Variants in DPP6 observed in about 807,000 individuals in gnomAD.
The protein encoded by DPP6 is dipeptidyl peptidase like 6, also known as A-type potassium channel modulatory protein DPP6.
A neutral mutation model predicts 122.6 loss-of-function variants in DPP6; 69 were observed. The ratio of observed to expected loss-of-function variants is 0.56; its 90% confidence interval spans 0.46 to 0.69. DPP6 has a LOEUF of 0.69. DPP6 is among the 30% of genes least tolerant of loss of function. DPP6 has a pLI of 0.00. For synonymous variants in DPP6, 418 were observed against 433.1 expected (o/e 0.97, Z 0.43); for missense variants, 928 against 1,116.9 (o/e 0.83, Z 2.41).
At chr7:154,402,685 A>C (rs2151189364) in intron 1 of DPP6, among the ~76,000 whole-genome samples, 1 of 151,388 alleles carries the variant, frequency 6.6e-6, no homozygotes, top group East Asian at 1.9e-4. Context: ...CCAGCATGGC[A>C]CATGTATACA....
intron 1 of DPP6, among the ~76,000 whole-genome samples, chr7:154,374,160 TAGAC>T (rs144409963): frequency 0.018 from 2,778 of 152,272 alleles, 83 homozygotes; most frequent in African/African-American, 0.064. Flanking sequence ...ATTTTGGAGT[TAGAC>T]AGACTCCAGT....
intron 1 of DPP6, among the ~76,000 whole-genome samples, chr7:154,130,676 G>T (rs976853745): frequency 6.6e-6 from 1 of 152,046 alleles, no homozygotes; most frequent in Non-Finnish European, 1.5e-5. Flanking sequence ...CCCTGCCTCA[G>T]ATCTCACGTC....
chr7:153,771,501 G>C, the DPP6 span, among the ~76,000 whole-genome samples: 1 of 152,208 alleles, frequency 6.6e-6, no homozygotes, highest in South Asian at 2.1e-4. Flanking sequence ...CACCACGCCT[G>C]ACTAATTTTT....
intron 8 of DPP6, among the ~76,000 whole-genome samples, chr7:154,744,235 C>T (rs1842937754): frequency 6.6e-6 from 1 of 152,174 alleles, no homozygotes; most frequent in South Asian, 2.1e-4. Context: ...CCACACCCGC[C>T]CCCCAGTATA....
chr7:154,313,714 T>TATATATATATATATATATACGCATACAC (rs1177234778), intron 1 of DPP6, among the ~76,000 whole-genome samples: 1 of 17,786 alleles, frequency 5.6e-5, no homozygotes, highest in African/African-American at 1.6e-4. Flanking sequence ...TATATATATA[T>TATATATATATATATATATACGCATACAC]ACACACACAC....
chr7:154,759,894 A>G (rs185879365), intron 8 of DPP6, among the ~76,000 whole-genome samples: 3 of 152,232 alleles, frequency 2.0e-5, no homozygotes, highest in Non-Finnish European at 2.9e-5. Flanking sequence ...GAGGCCAAGG[A>G]GGGCGGATCA....
In DPP6 at chr7:154,313,710, T is replaced by TGC. The variant is rs1186433314; in HGVS notation, c.244-132504_244-132503insGC. 2.1e-3 allele frequency among the ~76,000 whole-genome samples: 34 copies of TGC among 16,200 alleles called. 11 individuals carry two copies. The highest frequency in any genetic ancestry group is 0.012 in the East Asian group (3 of 260). The allele number at this position is 16,200 out of a possible 152,430, so 10.6% of individuals were successfully genotyped here. A position where few individuals can be genotyped will look rare whatever the true frequency, so the allele number is the denominator to read the frequency against. The stretch of plus-strand genomic sequence containing the variant: ...GTATATATATATATATATATATATA[T>TGC]ATATACACACACACGCACGCACACA... On this transcript the variant is annotated intron_variant, in intron 1 of 25. Coordinates refer to ENST00000377770, the MANE Select transcript of DPP6 (RefSeq NM_130797.4).
At chr7:154,085,203 T>A (rs1043596647) in intron 1 of DPP6, among the ~76,000 whole-genome samples, 1 of 152,216 alleles carries the variant, frequency 6.6e-6, no homozygotes, top group Non-Finnish European at 1.5e-5. Context: ...TGGGCTGATA[T>A]AGTTTCTCCA....
intron 1 of DPP6, among the ~76,000 whole-genome samples, chr7:153,962,928 C>T (rs1024342696): frequency 8.1e-4 from 123 of 152,296 alleles, no homozygotes; most frequent in Non-Finnish European, 1.1e-3. Flanking sequence ...ATGCTTCACA[C>T]GCTAATACAC....
chr7:154,822,636 C>T (rs1217089271), intron 16 of DPP6, among the ~76,000 whole-genome samples: 1 of 152,142 alleles, frequency 6.6e-6, no homozygotes, highest in African/African-American at 2.4e-5. Context: ...TTGTAGGGAC[C>T]TTAGGGACCA....
intron 1 of DPP6, among the ~76,000 whole-genome samples, chr7:154,175,307 A>C (rs1166011542): frequency 6.6e-6 from 1 of 152,080 alleles, no homozygotes; most frequent in East Asian, 1.9e-4. Context: ...TGGATTCTCT[A>C]GGTGGGACCA....
At chr7:153,971,205 G>C (rs1235204908) in intron 1 of DPP6, among the ~76,000 whole-genome samples, 1 of 151,968 alleles carries the variant, frequency 6.6e-6, no homozygotes, top group African/African-American at 2.4e-5. Flanking sequence ...TTCAAAATGT[G>C]TTATGAATTT....
chr7:154,633,977 T>C (rs1003718461), intron 5 of DPP6, among the ~76,000 whole-genome samples: 17 of 151,902 alleles, frequency 1.1e-4, no homozygotes, highest in African/African-American at 3.9e-4. Context: ...TTCTTGACTT[T>C]ATTCATTTTT....
intron 4 of DPP6, among the ~76,000 whole-genome samples, chr7:154,558,433 G>A (rs555880694): frequency 2.0e-5 from 3 of 152,212 alleles, no homozygotes; most frequent in African/African-American, 7.2e-5. Flanking sequence ...AGAGACCCCA[G>A]GAAAGTAGTT....
At chr7:154,522,382 C>G (rs777748051) in intron 3 of DPP6, among the ~76,000 whole-genome samples, 2 of 152,244 alleles carry the variant, frequency 1.3e-5, no homozygotes, top group East Asian at 1.9e-4. Context: ...AATCAAGAGG[C>G]CTGCGTGAGG....
At chr7:154,173,979 G>C (rs889473524) in intron 1 of DPP6, among the ~76,000 whole-genome samples, 21 of 152,184 alleles carry the variant, frequency 1.4e-4, no homozygotes, top group African/African-American at 5.1e-4. Context: ...TCTGCCCTTT[G>C]CCTTCTTTGA....
intron 1 of DPP6, among the ~76,000 whole-genome samples, chr7:154,269,148 A>G (rs907083914): frequency 1.3e-5 from 2 of 151,776 alleles, no homozygotes; most frequent in South Asian, 2.1e-4. Flanking sequence ...TAATTCATCA[A>G]TTCTCAAAAC....
upstream of DPP6, among the ~76,000 whole-genome samples, chr7:153,884,701 G>A (rs562867827): frequency 7.2e-5 from 11 of 152,054 alleles, no homozygotes; most frequent in Middle Eastern, 3.4e-3. Flanking sequence ...TTTGTCGGCC[G>A]GGCGCAGTGG....
At chr7:154,656,672 C>CACTGGATTGGACCAAGACCGGTAGGG (rs1837273905) in intron 6 of DPP6, among the ~76,000 whole-genome samples, 1 of 151,416 alleles carries the variant, frequency 6.6e-6, no homozygotes, top group South Asian at 2.1e-4. Flanking sequence ...GACCGGTAGG[C>CACTGGATTGGACCAAGACCGGTAGGG]GTTGGGCTGA....
Sources: allele counts gnomAD v4.1 joint callset (sites outside exome capture counted in the v4.1 genomes callset), GRCh38; gene constraint gnomAD v4.1.1; transcripts MANE v1.5; gene names NCBI Gene and HGNC (gene_info 2026-07-23, HGNC 2026-07-21).